EYS: variants seen among roughly 807,000 people sequenced by gnomAD.
The protein encoded by EYS is protein eyes shut homolog.
In EYS, 250 loss-of-function variants were observed where a neutral mutation model predicts 282.1. The ratio of observed to expected loss-of-function variants is 0.89; its 90% confidence interval spans 0.80 to 0.98. The LOEUF (loss-of-function observed/expected upper bound fraction) is 0.98. Among genes scored for constraint, EYS ranks in the 50% least tolerant of loss-of-function variants. The probability of loss-of-function intolerance (pLI) is 0.00; values close to 1 mark genes in which losing one functional copy is unlikely to be tolerated. For synonymous variants in EYS, 1,355 were observed against 1,282.9 expected (o/e 1.06, Z -1.20); for missense variants, 4,016 against 3,709.0 (o/e 1.08, Z -2.15).
chr6:63,741,783 T>G (rs1038785815), intron 41 of EYS: 1 of 597,914 alleles, frequency 1.7e-6, no homozygotes, highest in African/African-American at 1.8e-5. Context: ...TGAATCAAAC[T>G]GTCAACATTT....
intron 1 of EYS, among the ~76,000 whole-genome samples, chr6:65,647,312 A>G (rs1767486047): frequency 6.6e-6 from 1 of 152,236 alleles, no homozygotes; most frequent in South Asian, 2.1e-4. Flanking sequence ...AGGTATAAAA[A>G]TAGGCACATA....
intron 31 of EYS, among the ~76,000 whole-genome samples, chr6:64,161,254 C>T (rs1157264833): frequency 6.6e-6 from 1 of 152,144 alleles, no homozygotes; most frequent in Non-Finnish European, 1.5e-5. Flanking sequence ...GACAGACCAT[C>T]TGTGAAGATA....
rs558751199 is a variant in EYS, at chr6:63,833,641, A to G, written c.7229-27269T>C. On this transcript the variant is annotated intron_variant, in intron 36 of 42. Coordinates refer to ENST00000503581, the MANE Select transcript of EYS (RefSeq NM_001142800.2). ...TGAAAATGGCCATACTGCCCAAGGT[A>G]ATTTTTAGATTCAATGCCTTCCCCA... Among the ~76,000 whole-genome samples the G allele has an allele frequency of 4.6e-5, 7 of 152,316 alleles. 2 individuals carry two copies. Among genetic ancestry groups the G allele is most frequent in the African/African-American group, 1.7e-4 (7 of 41,576 alleles).
intron 22 of EYS, among the ~76,000 whole-genome samples, chr6:64,775,050 C>T (rs1379023271): frequency 3.3e-5 from 5 of 151,862 alleles, no homozygotes; most frequent in African/African-American, 1.2e-4. Context: ...CTAGAGATGT[C>T]CGTGACAGAT....
intron 24 of EYS, among the ~76,000 whole-genome samples, chr6:64,611,306 G>A (rs576697918): frequency 1.3e-5 from 2 of 152,208 alleles, no homozygotes; most frequent in African/African-American, 4.8e-5. Context: ...AAGTTTCAGC[G>A]CTTTTAGAGA....
intron 22 of EYS, among the ~76,000 whole-genome samples, chr6:64,714,755 T>A (rs1297916525): frequency 6.6e-6 from 1 of 152,062 alleles, no homozygotes; most frequent in Non-Finnish European, 1.5e-5. Flanking sequence ...CTCAATCTCC[T>A]GACCTCGTGA....
At chr6:63,769,405 A>G (rs1319437852) in intron 40 of EYS, among the ~76,000 whole-genome samples, 1 of 152,074 alleles carries the variant, frequency 6.6e-6, no homozygotes, top group Non-Finnish European at 1.5e-5. Context: ...TGCACCTGGC[A>G]TACAATACCT....
intron 22 of EYS, among the ~76,000 whole-genome samples, chr6:64,791,697 A>G (rs1319438000): frequency 6.6e-6 from 1 of 151,902 alleles, no homozygotes; most frequent in Non-Finnish European, 1.5e-5. Flanking sequence ...ACCTGTGTAC[A>G]AAGTGTAAAC....
At chr6:64,425,658 A>AG (rs1399145343) in intron 28 of EYS, among the ~76,000 whole-genome samples, 6 of 71,940 alleles carry the variant, frequency 8.3e-5, no homozygotes, top group Non-Finnish European at 1.1e-4. Context: ...CCATCCCAGG[A>AG]AAAAAAAAAA....
chr6:65,202,792 G>T (rs1294202600), intron 12 of EYS, among the ~76,000 whole-genome samples: 3 of 152,146 alleles, frequency 2.0e-5, no homozygotes, highest in African/African-American at 7.2e-5. Context: ...AGGGCCAGTT[G>T]CCAGAGTGGA....
chr6:64,694,247 A>G (rs565398815), intron 22 of EYS, among the ~76,000 whole-genome samples: 159 of 152,348 alleles, frequency 1.0e-3, no homozygotes, highest in African/African-American at 3.4e-3. Context: ...CACATTACGA[A>G]CTTTTATCCA....
At chr6:64,854,580 G>T (rs1036189899) in intron 19 of EYS, among the ~76,000 whole-genome samples, 73 of 140,468 alleles carry the variant, frequency 5.2e-4, no homozygotes, top group Non-Finnish European at 8.2e-4. Context: ...CATCACACAC[G>T]GGGGCCTGTT....
intron 5 of EYS, among the ~76,000 whole-genome samples, chr6:65,433,146 T>C (rs1046804384): frequency 6.6e-6 from 1 of 152,178 alleles, no homozygotes; most frequent in African/African-American, 2.4e-5. Flanking sequence ...ATTGAGCCTT[T>C]TCAGGTTATG....
intron 30 of EYS, among the ~76,000 whole-genome samples, chr6:64,265,696 A>G (rs1171359479): frequency 6.6e-6 from 1 of 152,154 alleles, no homozygotes; most frequent in Admixed American, 6.6e-5. Flanking sequence ...CTCATTACCA[A>G]TTGTGACTTT....
In EYS at chr6:65,317,777, T is replaced by TCTTCCTTCCTTCCTTCCTTCCTTC. The variant is rs911036026; in HGVS notation, c.1766+17179_1766+17202dup. On this transcript the variant is annotated intron_variant, in intron 11 of 42. Coordinates refer to ENST00000503581, the MANE Select transcript of EYS (RefSeq NM_001142800.2). The stretch of plus-strand genomic sequence containing the variant: ...GCTCTTGGCTGGAGGCTACATTTTC[T>TCTTCCTTCCTTCCTTCCTTCCTTC]CTTCCTTCCTTCCTTCCTTCCTTCC... 6.8e-3 allele frequency among the ~76,000 whole-genome samples: 389 copies of TCTTCCTTCCTTCCTTCCTTCCTTC among 57,348 alleles called. 5 individuals carry two copies. The highest frequency in any genetic ancestry group is 8.2e-3 in the African/African-American group (127 of 15,400). 37.6% of individuals were successfully genotyped at this position (57,348 alleles called of 152,430 possible). A position where few individuals can be genotyped will look rare whatever the true frequency, so the allele number is the denominator to read the frequency against.
At chr6:65,468,117 G>T (rs1765075390) in intron 5 of EYS, among the ~76,000 whole-genome samples, 1 of 152,064 alleles carries the variant, frequency 6.6e-6, no homozygotes, top group Non-Finnish European at 1.5e-5. Context: ...AACCTCCTGA[G>T]CACTCCTATG....
chr6:64,246,973 C>T (rs1767044581), intron 30 of EYS, among the ~76,000 whole-genome samples: 1 of 151,894 alleles, frequency 6.6e-6, no homozygotes, highest in South Asian at 2.1e-4. Flanking sequence ...ATTTGGAAGT[C>T]ATTGAAGTTT....
chr6:65,405,432 A>G (rs1429456075), intron 5 of EYS, 65 bp from the exon 6 acceptor site: 4 of 1,260,940 alleles, frequency 3.2e-6, no homozygotes, highest in East Asian at 2.3e-5. Context: ...ATGAGCATAG[A>G]TATGTAGCAA....
At chr6:63,738,447 T>G (rs1360060205) in intron 41 of EYS, among the ~76,000 whole-genome samples, 1 of 151,568 alleles carries the variant, frequency 6.6e-6, no homozygotes, top group Non-Finnish European at 1.5e-5. Context: ...GGGACATGGA[T>G]GAAATTGGAA....
Sources: allele counts gnomAD v4.1 joint callset (sites outside exome capture counted in the v4.1 genomes callset), GRCh38; gene constraint gnomAD v4.1.1; transcripts MANE v1.5; gene names NCBI Gene and HGNC (gene_info 2026-07-23, HGNC 2026-07-21).